Variants in UNC13B observed in about 807,000 individuals in gnomAD.
UNC13B encodes protein unc-13 homolog B.
A neutral mutation model predicts 211.0 loss-of-function variants in UNC13B; 144 were observed. The ratio of observed to expected loss-of-function variants is 0.68; its 90% CI spans 0.60 to 0.78. The LOEUF is 0.78. Among genes scored for constraint, UNC13B ranks in the 30% least tolerant of loss-of-function variants. The pLI, the probability that UNC13B is intolerant of heterozygous loss-of-function variation, is 0.00. For missense variants in UNC13B, 1,777 were observed against 2,002.0 expected (o/e 0.89, Z 2.14); for synonymous variants, 709 against 725.8 (o/e 0.98, Z 0.37).
At chr9:35,273,314 G>T (rs1160518959) in intron 7 of UNC13B, among the ~76,000 whole-genome samples, 1 of 152,096 alleles carries the variant, frequency 6.6e-6, no homozygotes, top group Non-Finnish European at 1.5e-5. Context: ...TCCAAAAGAG[G>T]CATGTTTAAT....
chr9:35,380,026 G>A (rs555825875), intron 17 of UNC13B, among the ~76,000 whole-genome samples: 1 of 152,244 alleles, frequency 6.6e-6, no homozygotes, highest in East Asian at 1.9e-4. Flanking sequence ...TAGATAGAAA[G>A]CCAAACAGTT....
At chr9:35,265,663 C>T (rs760226240) in intron 7 of UNC13B, among the ~76,000 whole-genome samples, 3 of 151,986 alleles carry the variant, frequency 2.0e-5, no homozygotes, top group Non-Finnish European at 2.9e-5. Context: ...ATTGGCCAGG[C>T]ACAGTGGCTC....
intron 11 of UNC13B, chr9:35,352,808 C>T (rs887869961): frequency 8.1e-6 from 10 of 1,232,050 alleles, no homozygotes; most frequent in Non-Finnish European, 8.1e-6. Context: ...GTTTGAGGAA[C>T]CTGCCCTAGT....
intron 11 of UNC13B, chr9:35,364,428 C>CGG: frequency 8.9e-7 from 1 of 1,125,600 alleles, no homozygotes; most frequent in Non-Finnish European, 1.3e-6. Context: ...TCCCGAGGAC[C>CGG]TCTCCCTCTC....
At chr9:35,239,201 C>T (rs1463016634) in intron 5 of UNC13B, among the ~76,000 whole-genome samples, 1 of 152,054 alleles carries the variant, frequency 6.6e-6, no homozygotes, top group Non-Finnish European at 1.5e-5. Flanking sequence ...AGGGGAAATT[C>T]AGCCCCCGAT....
Position 35,243,379 on chromosome 9 carries a change from A to G in UNC13B, c.468+15A>G. 1 of 1,613,140 alleles carries G rather than the reference A, an allele frequency of 6.2e-7. No individual in the cohort carries two copies. The highest frequency in any genetic ancestry group is 1.3e-5 in the African/African-American group (1 of 74,976). ...CTGACAATGAGGTAGGAGCAGCCTTATTTGCAGTATAGAGAGATGGGGGAA... is the reference window on the plus strand; with the variant it reads ...CTGACAATGAGGTAGGAGCAGCCTTGTTTGCAGTATAGAGAGATGGGGGAA... On this transcript the variant is annotated intron_variant, in intron 6 of 39. Transcript: ENST00000635942.
At chr9:35,323,457 A>G (rs2131922813) in intron 11 of UNC13B, among the ~76,000 whole-genome samples, 1 of 152,178 alleles carries the variant, frequency 6.6e-6, no homozygotes, top group East Asian at 1.9e-4. Flanking sequence ...TCTTAGCCAC[A>G]GCTTTTGAGA....
chr9:35,400,320 G>C lies in UNC13B; in HGVS notation c.12361G>C (p.Gly4121Arg). Residue 4121 changes from glycine (G) to arginine (R), a missense_variant, in exon 37 of 40, where the codon GGG becomes CGG. Transcript: ENST00000635942. ...GCAATACTTCCATGCAGGAGGCAAT[G>C]GGCTGAAGAAAACCTTCCTGGAGAA... ...IKQYFHAGGN[G>R]LKKTFLEKSP... The C allele has an allele frequency of 6.2e-7, 1 of 1,614,096 alleles. No homozygotes were observed. The highest frequency in any genetic ancestry group is 8.5e-7 in the Non-Finnish European group (1 of 1,179,980).
At chr9:35,239,834 C>T (rs1587442307) in intron 5 of UNC13B, among the ~76,000 whole-genome samples, 1 of 152,190 alleles carries the variant, frequency 6.6e-6, no homozygotes. Context: ...CTGTTCCGCC[C>T]GGCCCACAGG....
chr9:35,401,590 C>T lies in UNC13B; in HGVS notation c.12484+1147C>T, dbSNP rs190118559. Among the ~76,000 whole-genome samples, 346 of 152,296 alleles carry T rather than the reference C, an allele frequency of 2.3e-3. 2 individuals carry two copies. The highest frequency in any genetic ancestry group is 7.9e-3 in the African/African-American group (327 of 41,556). On this transcript the variant is annotated intron_variant, in intron 37 of 39. Transcript: ENST00000635942. Reference sequence around the variant, plus strand: ...ATGATGAGAGCAGGGTTGGCAACTGCGGGAAGAATCCATGTGTATGCGTGT... The same window carrying T: ...ATGATGAGAGCAGGGTTGGCAACTGTGGGAAGAATCCATGTGTATGCGTGT...
intron 8 of UNC13B, among the ~76,000 whole-genome samples, chr9:35,296,736 A>AC (rs1480970806): frequency 2.0e-5 from 3 of 152,254 alleles, no homozygotes; most frequent in African/African-American, 7.2e-5. Context: ...CCTAATATGT[A>AC]TTCATATACA....
intron 7 of UNC13B, among the ~76,000 whole-genome samples, chr9:35,274,007 C>T (rs1828035463): frequency 1.3e-5 from 2 of 152,100 alleles, no homozygotes; most frequent in South Asian, 2.1e-4. Flanking sequence ...ACTATCACTC[C>T]ACCATTTCAT....
chr9:35,396,731 G>A, intron 27 of UNC13B, 110 bp from the exon 28 acceptor site: 2 of 1,598,234 alleles, frequency 1.3e-6, no homozygotes, highest in Non-Finnish European at 1.7e-6. Context: ...ACAAAGAAAA[G>A]TGTTAAACTG....
chr9:35,294,498 G>A (rs1388230895), intron 7 of UNC13B, among the ~76,000 whole-genome samples: 5 of 152,124 alleles, frequency 3.3e-5, no homozygotes, highest in African/African-American at 1.2e-4. Context: ...TAGAGATGGG[G>A]TTCCACCATG....
Position 35,375,158 on chromosome 9 carries a change from C to T in UNC13B, c.9572C>T (p.Thr3191Ile), listed in dbSNP as rs2132214779. 1 of 1,614,180 alleles carries T rather than the reference C, an allele frequency of 6.2e-7. No homozygotes were observed. Among genetic ancestry groups the T allele is most frequent in the Non-Finnish European group, 8.5e-7 (1 of 1,180,004 alleles). The change falls in exon 14 of 40, where the codon ACT becomes ATT. Residue 3191 changes from threonine (T) to isoleucine (I), a missense_variant. Coordinates refer to ENST00000635942, the MANE Select transcript of UNC13B (RefSeq NM_001371189.2). ...GTCCAGTCTCGGAAGGCAGGAATCACTTCTGCAATGGCTACACGCACTTCT... is the reference window on the plus strand; with the variant it reads ...GTCCAGTCTCGGAAGGCAGGAATCATTTCTGCAATGGCTACACGCACTTCT... ...SLVQSRKAGI[T>I]SAMATRTSLK...
At chr9:35,228,238 A>C (rs1226718734) in intron 2 of UNC13B, among the ~76,000 whole-genome samples, 194 bp downstream of exon 2, 1 of 152,184 alleles carries the variant, frequency 6.6e-6, no homozygotes, top group Non-Finnish European at 1.5e-5. Flanking sequence ...ACTTCTCAAT[A>C]ATAACTATAT....
At chr9:35,402,703 A>G (rs1836404380) in intron 37 of UNC13B, among the ~76,000 whole-genome samples, 1 of 152,002 alleles carries the variant, frequency 6.6e-6, no homozygotes, top group African/African-American at 2.4e-5. Flanking sequence ...GGGATGAAGT[A>G]TTTCAGAGCA....
chr9:35,364,463 G>C (rs1334860357), intron 11 of UNC13B: 1 of 1,456,128 alleles, frequency 6.9e-7, no homozygotes, highest in Non-Finnish European at 9.3e-7. Flanking sequence ...GAGTTTAGCT[G>C]GCATTTTCTT....
chr9:35,330,726 A>T (rs747763857), intron 11 of UNC13B, among the ~76,000 whole-genome samples: 8 of 152,212 alleles, frequency 5.3e-5, no homozygotes, highest in Non-Finnish European at 8.8e-5. Context: ...CTGGATGTTC[A>T]TCAATGGTGG....
Sources: allele counts gnomAD v4.1 joint callset (sites outside exome capture counted in the v4.1 genomes callset), GRCh38; gene constraint gnomAD v4.1.1; transcripts MANE v1.5; gene names NCBI Gene and HGNC (gene_info 2026-07-23, HGNC 2026-07-21).